Variants in ATP10B observed in about 807,000 individuals in gnomAD.
The protein encoded by ATP10B is phospholipid-transporting ATPase VB.
In ATP10B, 122 loss-of-function variants were observed where a neutral mutation model predicts 141.2. The observed-to-expected ratio is 0.86, with a 90% confidence interval of 0.75 to 1.00. The LOEUF is 1.00. Ranked by LOEUF, ATP10B falls within the 50% of genes least tolerant of loss-of-function variation. The pLI is 0.00. For missense variants in ATP10B, 1,876 were observed against 1,825.3 expected, an observed-to-expected ratio of 1.03 and a Z score of -0.51; for synonymous variants, 685 against 692.0, an observed-to-expected ratio of 0.99 and a Z score of 0.16.
At chr5:160,594,318 C>T (rs897704724) in intron 22 of ATP10B, among the ~76,000 whole-genome samples, 7 of 152,172 alleles carry the variant, frequency 4.6e-5, no homozygotes, top group Non-Finnish European at 7.4e-5. Flanking sequence ...AAATAAAATC[C>T]GTTACAGACA....
intron 2 of ATP10B, among the ~76,000 whole-genome samples, chr5:160,744,220 C>G (rs1488186029): frequency 1.3e-5 from 2 of 152,112 alleles, no homozygotes; most frequent in African/African-American, 4.8e-5. Context: ...GAGCCATTAC[C>G]AAATTCTCAG....
chr5:160,733,688 C>T (rs1766904500), intron 2 of ATP10B, among the ~76,000 whole-genome samples: 2 of 70,924 alleles, frequency 2.8e-5, no homozygotes, highest in Admixed American at 2.2e-4. Context: ...TATATACACA[C>T]ACACATATAT....
chr5:160,916,560 G>A, the ATP10B span, among the ~76,000 whole-genome samples: 1 of 152,170 alleles, frequency 6.6e-6, no homozygotes, highest in Non-Finnish European at 1.5e-5. Flanking sequence ...ATTGTCCTAA[G>A]CATCGCACAT....
At chr5:160,885,184 G>C in the ATP10B span, among the ~76,000 whole-genome samples, 1 of 152,222 alleles carries the variant, frequency 6.6e-6, no homozygotes, top group Non-Finnish European at 1.5e-5. Context: ...ATAAGTGAAT[G>C]AATAAGTAAA....
chr5:160,743,196 G>A (rs1396367816), intron 2 of ATP10B, among the ~76,000 whole-genome samples: 2 of 152,142 alleles, frequency 1.3e-5, no homozygotes, highest in African/African-American at 4.8e-5. Context: ...CCTGAAACTA[G>A]TTCATGGATG....
chr5:160,811,018 T>C (rs1416973965), intron 1 of ATP10B, among the ~76,000 whole-genome samples: 1 of 152,166 alleles, frequency 6.6e-6, no homozygotes, highest in East Asian at 1.9e-4. Context: ...GAGTTTTGAG[T>C]CCCGCTTTGC....
chr5:160,575,886 A>G (rs1454965296), intron 24 of ATP10B, among the ~76,000 whole-genome samples: 2 of 152,196 alleles, frequency 1.3e-5, no homozygotes, highest in African/African-American at 4.8e-5. Flanking sequence ...GCAGGCACTC[A>G]GCAATGTCCC....
chr5:160,925,764 T>G, the ATP10B span, among the ~76,000 whole-genome samples: 1 of 152,232 alleles, frequency 6.6e-6, no homozygotes, highest in Non-Finnish European at 1.5e-5. Context: ...TTTTTTCTTC[T>G]TTATGAAAAT....
the ATP10B span, among the ~76,000 whole-genome samples, chr5:160,896,252 A>G: frequency 1.4e-4 from 20 of 145,256 alleles, no homozygotes; most frequent in African/African-American, 3.5e-4. Context: ...AAAAAAAAAA[A>G]TCAATGAATC....
intron 10 of ATP10B, 92 bp from the exon 11 acceptor site, chr5:160,636,401 G>A: frequency 7.1e-7 from 1 of 1,407,410 alleles, no homozygotes; most frequent in Non-Finnish European, 9.7e-7. Flanking sequence ...TCCTAGAAAT[G>A]GGTGTGCTTT....
chr5:160,590,680 T>C (rs1756230144), intron 23 of ATP10B, among the ~76,000 whole-genome samples: 2 of 152,176 alleles, frequency 1.3e-5, no homozygotes, highest in South Asian at 4.1e-4. Context: ...TCAAATACCT[T>C]CAGTGTTCAA....
chr5:160,669,373 G>A (rs530580269), intron 7 of ATP10B, among the ~76,000 whole-genome samples: 7 of 152,286 alleles, frequency 4.6e-5, no homozygotes, highest in African/African-American at 1.7e-4. Flanking sequence ...TTCCAGATGA[G>A]GGAACCAAGG....
chr5:160,757,694 G>C (rs532827212), intron 2 of ATP10B, among the ~76,000 whole-genome samples: 132 of 152,226 alleles, frequency 8.7e-4, no homozygotes, highest in Middle Eastern at 3.4e-3. Context: ...GGTATGGATG[G>C]GGGGATATAT....
At chr5:160,598,168 A>C (rs959294339) in intron 22 of ATP10B, among the ~76,000 whole-genome samples, 25 of 151,884 alleles carry the variant, frequency 1.6e-4, no homozygotes, top group Non-Finnish European at 3.5e-4. Flanking sequence ...CTGGATTAAG[A>C]AAATGTGGCA....
intron 3 of ATP10B, chr5:160,691,972 G>A (rs1401640271): frequency 1.3e-5 from 2 of 152,146 alleles, no homozygotes; most frequent in Non-Finnish European, 2.9e-5. Context: ...CAAAGGAAAA[G>A]GAAATGAAAA....
chr5:160,885,964 A>G, the ATP10B span, among the ~76,000 whole-genome samples: 487 of 152,272 alleles, frequency 3.2e-3, 5 homozygotes, highest in African/African-American at 0.011. Context: ...CACAGTAACC[A>G]CTTTTTGAGA....
chr5:160,881,738 G>C, the ATP10B span, among the ~76,000 whole-genome samples: 1 of 152,162 alleles, frequency 6.6e-6, no homozygotes, highest in Non-Finnish European at 1.5e-5. Flanking sequence ...GTGAAAGCGG[G>C]AGGTGGAGCT....
At chr5:160,647,596 G>C (rs935148044) in intron 8 of ATP10B, among the ~76,000 whole-genome samples, 1 of 152,192 alleles carries the variant, frequency 6.6e-6, no homozygotes, top group African/African-American at 2.4e-5. Context: ...GTTCTGGGGA[G>C]AAAGGGTCCT....
At chr5:160,715,435 C>A (rs1193459203) in intron 3 of ATP10B, among the ~76,000 whole-genome samples, 1 of 144,686 alleles carries the variant, frequency 6.9e-6, no homozygotes, top group Non-Finnish European at 1.5e-5. Context: ...TGACCCCTTG[C>A]GCTTCCCAGG....
Sources: allele counts gnomAD v4.1 joint callset (sites outside exome capture counted in the v4.1 genomes callset), GRCh38; gene constraint gnomAD v4.1.1; transcripts MANE v1.5; gene names NCBI Gene and HGNC (gene_info 2026-07-23, HGNC 2026-07-21).